OR1J2: variants seen among roughly 807,000 people sequenced by gnomAD.
OR1J2 encodes the protein olfactory receptor 1J2.
For missense variants in OR1J2, 304 were observed against 246.1 expected (o/e 1.24, Z -1.57); for synonymous variants, 142 against 99.7 (o/e 1.42, Z -2.52).
chr9:122,527,004 G>C, the OR1J2 span: 10 of 1,614,066 alleles, frequency 6.2e-6, no homozygotes, highest in Admixed American at 1.5e-4. Flanking sequence ...ATACATTTGC[G>C]TGAGGCAACC....
chr9:122,574,300 T>C, the OR1J2 span, among the ~76,000 whole-genome samples: 1 of 152,226 alleles, frequency 6.6e-6, no homozygotes, highest in African/African-American at 2.4e-5. Context: ...TTCAGGAGAA[T>C]TGACCTTTTG....
At chr9:122,465,402 A>G in the OR1J2 span, among the ~76,000 whole-genome samples, 3 of 152,140 alleles carry the variant, frequency 2.0e-5, no homozygotes, top group Admixed American at 2.0e-4. Context: ...GGATCCCAAA[A>G]TCCTAAAGCA....
chr9:122,530,222 C>T, the OR1J2 span, among the ~76,000 whole-genome samples: 3 of 152,142 alleles, frequency 2.0e-5, no homozygotes, highest in Non-Finnish European at 2.9e-5. Flanking sequence ...TCAGCTGGAA[C>T]AGAAAAAATC....
the OR1J2 span, among the ~76,000 whole-genome samples, chr9:122,555,621 T>A: frequency 5.9e-5 from 9 of 152,334 alleles, no homozygotes; most frequent in South Asian, 1.9e-3. Flanking sequence ...GATATCTACC[T>A]CAAGGAATTG....
chr9:122,556,752 CT>C, the OR1J2 span, among the ~76,000 whole-genome samples: 1 of 152,148 alleles, frequency 6.6e-6, no homozygotes, highest in Non-Finnish European at 1.5e-5. Flanking sequence ...TATTCTGAGT[CT>C]TTTGCCTCTC....
At chr9:122,454,309 G>C in the OR1J2 span, among the ~76,000 whole-genome samples, 1 of 152,140 alleles carries the variant, frequency 6.6e-6, no homozygotes. Flanking sequence ...TTTGAGGCCA[G>C]GAGTTTGAGA....
chr9:122,524,244 A>T, the OR1J2 span, among the ~76,000 whole-genome samples: 1 of 152,344 alleles, frequency 6.6e-6, no homozygotes, highest in East Asian at 1.9e-4. Context: ...AGCATTAGTT[A>T]TACCATATAG....
the OR1J2 span, among the ~76,000 whole-genome samples, chr9:122,571,282 T>G: frequency 2.0e-5 from 3 of 152,242 alleles, no homozygotes; most frequent in East Asian, 5.8e-4. Flanking sequence ...CCGGGCGCGG[T>G]GGCTCACACC....
chr9:122,460,097 A>C, the OR1J2 span, among the ~76,000 whole-genome samples: 1 of 151,982 alleles, frequency 6.6e-6, no homozygotes. Flanking sequence ...CTCCAATTCC[A>C]TCCAAGTTGC....
At chr9:122,514,349 C>T (rs747682909), downstream of OR1J2, among the ~76,000 whole-genome samples, 1 of 152,168 alleles carries the variant, frequency 6.6e-6, no homozygotes, top group Non-Finnish European at 1.5e-5. Flanking sequence ...TAATGTTTAG[C>T]TCCCACTTAT....
chr9:122,457,415 A>G, the OR1J2 span, among the ~76,000 whole-genome samples: 2 of 152,142 alleles, frequency 1.3e-5, no homozygotes, highest in East Asian at 3.8e-4. Context: ...CAAAGAAACT[A>G]CTACTACCGA....
At chr9:122,508,922 GT>G (rs1828579613), upstream of OR1J2, among the ~76,000 whole-genome samples, 1 of 152,132 alleles carries the variant, frequency 6.6e-6, no homozygotes, top group African/African-American at 2.4e-5. Context: ...GCATAATCTT[GT>G]TTTCTTGCTT....
the OR1J2 span, chr9:122,519,404 G>A: frequency 6.2e-7 from 1 of 1,614,086 alleles, no homozygotes; most frequent in South Asian, 1.1e-5. Flanking sequence ...TGCAAACTCA[G>A]GATCAATCCA....
upstream of OR1J2, chr9:122,510,665 TA>T: frequency 1.8e-6 from 1 of 568,454 alleles, no homozygotes; most frequent in Non-Finnish European, 3.1e-6. Context: ...AGACCCCCGA[TA>T]GGCCCCAGTG....
chr9:122,464,401 A>C, the OR1J2 span, among the ~76,000 whole-genome samples: 1 of 152,212 alleles, frequency 6.6e-6, no homozygotes, highest in Admixed American at 6.5e-5. Context: ...CAGCTGAGAA[A>C]GCAAGCAAAC....
At chr9:122,578,269 TGAA>T in the OR1J2 span, 3 of 151,990 alleles carry the variant, frequency 2.0e-5, no homozygotes, top group African/African-American at 4.8e-5. Context: ...GCCTACATGG[TGAA>T]ACCCCGTGTC....
At chr9:122,560,328 A>C in the OR1J2 span, among the ~76,000 whole-genome samples, 1 of 152,104 alleles carries the variant, frequency 6.6e-6, no homozygotes, top group East Asian at 1.9e-4. Context: ...GCCCGTTTAC[A>C]TTTAAGGTTA....
chr9:122,491,859 AG>A, the OR1J2 span, among the ~76,000 whole-genome samples: 3 of 152,146 alleles, frequency 2.0e-5, no homozygotes, highest in African/African-American at 7.2e-5. Context: ...CATCCTGAAG[AG>A]GTAAGAGTGA....
the OR1J2 span, among the ~76,000 whole-genome samples, chr9:122,522,916 T>G: frequency 6.6e-6 from 1 of 152,250 alleles, no homozygotes; most frequent in African/African-American, 2.4e-5. Context: ...GCATGGCTAC[T>G]GTGTGTCAGG....
Sources: allele counts gnomAD v4.1 joint callset (sites outside exome capture counted in the v4.1 genomes callset), GRCh38; gene constraint gnomAD v4.1.1; transcripts MANE v1.5; gene names NCBI Gene and HGNC (gene_info 2026-07-23, HGNC 2026-07-21).